Variants in POLR3C observed in about 807,000 individuals in gnomAD.
POLR3C encodes the protein DNA-directed RNA polymerase III subunit RPC3.
In POLR3C, 44 loss-of-function variants were observed where a neutral mutation model predicts 65.9. The ratio of observed to expected loss-of-function variants is 0.67; its 90% CI spans 0.52 to 0.86. The LOEUF (loss-of-function observed/expected upper bound fraction) is 0.86. Among genes scored for constraint, POLR3C ranks in the 40% least tolerant of loss-of-function variants. The pLI, the probability that POLR3C is intolerant of heterozygous loss-of-function variation, is 0.00. For synonymous variants in POLR3C, 263 were observed against 231.6 expected, an observed-to-expected ratio of 1.14 and a Z score of -1.23; for missense variants, 576 against 653.2, an observed-to-expected ratio of 0.88 and a Z score of 1.29.
chr1:145,833,775 A>G (rs1651548478), intron 7 of POLR3C, among the ~76,000 whole-genome samples, 193 bp downstream of exon 7: 1 of 152,224 alleles, frequency 6.6e-6, no homozygotes, highest in Admixed American at 6.5e-5. Context: ...TTAAAAATCT[A>G]CACTATTCAC....
At chr1:145,828,883 G>A (rs781900238) in intron 5 of POLR3C, 46 bp downstream of exon 5, 2 of 1,003,176 alleles carry the variant, frequency 2.0e-6, no homozygotes, top group Non-Finnish European at 1.6e-6. Flanking sequence ...AAGCAGGCCA[G>A]AAAGAGCACT....
chr1:145,827,731 C>G (rs1166490023), intron 4 of POLR3C, among the ~76,000 whole-genome samples: 1 of 148,582 alleles, frequency 6.7e-6, no homozygotes, highest in Non-Finnish European at 1.5e-5. Flanking sequence ...TGCACTCCAG[C>G]CTGGGCAACA....
chr1:145,832,200 G>C lies in POLR3C; in HGVS notation c.679-1060G>C, dbSNP rs150601557. 2.0e-5 allele frequency among the ~76,000 whole-genome samples: 3 copies of C among 152,314 alleles called. No individual in the cohort carries two copies. The East Asian group carries it at 5.8e-4, about 29-fold the overall frequency. The stretch of plus-strand genomic sequence containing the variant: ...ACATAGAATCCTTAAGGACAGTTGT[G>C]GAATTTCACTGGAATGCGAGTGACA... On this transcript the variant is annotated intron_variant, in intron 5 of 14. Coordinates refer to ENST00000334163, the MANE Select transcript of POLR3C (RefSeq NM_006468.8).
In POLR3C at chr1:145,842,482, C is replaced by T; in HGVS notation, c.*62C>T. 9.3e-7 allele frequency: 1 copy of T among 1,079,618 alleles called. No homozygotes were observed. Among genetic ancestry groups the T allele is most frequent in the Non-Finnish European group, 1.4e-6 (1 of 696,000 alleles). 66.9% of individuals were successfully genotyped at this position (1,079,618 alleles called of 1,614,324 possible). On this transcript the variant is annotated 3_prime_UTR_variant, in exon 15 of 15. Coordinates refer to ENST00000334163, the MANE Select transcript of POLR3C (RefSeq NM_006468.8). ...ATGGAAAGCAAAATAAAGGAGGTGC[C>T]TGGATGCATTATTTGCAGTGGGATA...
chr1:145,835,035 A>G (rs898996635), intron 7 of POLR3C, among the ~76,000 whole-genome samples: 2 of 149,156 alleles, frequency 1.3e-5, no homozygotes, highest in Admixed American at 6.8e-5. Context: ...AGTCACAGCT[A>G]TTCGAGAGGC....
In POLR3C at chr1:145,826,875, C is replaced by G; in HGVS notation, c.459C>G (p.Asp153Glu). 5.6e-6 allele frequency: 9 copies of G among 1,612,908 alleles called. No homozygotes were observed. Among genetic ancestry groups the G allele is most frequent in the Non-Finnish European group, 7.6e-6 (9 of 1,179,536 alleles). ...EVSNTFVRLA[D>E]THFVQRCPSV... ...CAAACACATTTGTGCGACTGGCAGA[C>G]ACACACTTTGTACAACGCTGCCCTT... The change falls in exon 4 of 15, where the codon GAC (aspartate) becomes GAG (glutamate). Residue 153 changes from aspartate to glutamate, a missense_variant. Physicochemically the swap from Asp to Glu is conservative, Grantham distance 45. Transcript: ENST00000334163.
rs1553730007 is a variant in POLR3C, at chr1:145,840,010, T to C, written c.1323+19T>C. On this transcript the variant is annotated intron_variant, in intron 12 of 14. Transcript: ENST00000334163. ...CTACAAGGTAACTCAATCTGGACCT[T>C]CTCCCCATTTCCTCCATACGGTCAA... 10 of 1,549,776 alleles carry C rather than the reference T, an allele frequency of 6.5e-6. No individual in the cohort carries two copies. The highest frequency in any genetic ancestry group is 5.4e-6 in the Non-Finnish European group (6 of 1,121,484).
In POLR3C at chr1:145,826,932, G is replaced by A; in HGVS notation, c.516G>A (p.Gly172=). The change falls in exon 4 of 15, where the codon GGG becomes GGA. Residue 172 remains glycine (G), a synonymous_variant. Transcript: ENST00000334163. The part of the protein sequence containing the change: ...SVPTTENSDP[G]PPPPAPTLVI... ...CTACCACTGAGAATTCAGACCCTGG[G>A]CCACCACCACCTGCCCCCACACTTG... 4 of 1,613,350 alleles carry A rather than the reference G, an allele frequency of 2.5e-6. No individual in the cohort carries two copies. Among genetic ancestry groups the A allele is most frequent in the Non-Finnish European group, 3.4e-6 (4 of 1,179,798 alleles).
At chr1:145,842,178 G>A (rs1209367294) in intron 14 of POLR3C, among the ~76,000 whole-genome samples, 161 bp from the exon 15 acceptor site, 1 of 152,154 alleles carries the variant, frequency 6.6e-6, no homozygotes, top group African/African-American at 2.4e-5. Flanking sequence ...ACATAAAGAT[G>A]CTCGGTAAAT....
At chr1:145,827,930 GAAAAA>G (rs199510413) in intron 4 of POLR3C, among the ~76,000 whole-genome samples, 1 of 147,520 alleles carries the variant, frequency 6.8e-6, no homozygotes, top group Non-Finnish European at 1.5e-5. Flanking sequence ...TCTGTCTCGG[GAAAAA>G]AAAAAGAAAA....
In POLR3C at chr1:145,833,511, A is replaced by C; in HGVS notation, c.805A>C (p.Thr269Pro). The change falls in exon 7 of 15, where the codon ACC becomes CCC. Residue 269 changes from threonine to proline, a missense_variant. Transcript: ENST00000334163. Reference sequence around the variant, plus strand: ...ACAGACAAGCAGCGAGATTGTGCGAACCATGCTCCGAATGAGTGAGATTAC... The same window carrying C: ...ACAGACAAGCAGCGAGATTGTGCGACCCATGCTCCGAATGAGTGAGATTAC... ...MDQTSSEIVRTMLRMSEITTS... is the reference protein window; with the variant it reads ...MDQTSSEIVRPMLRMSEITTS... 6.2e-7 allele frequency: 1 copy of C among 1,613,700 alleles called. No individual in the cohort carries two copies. The highest frequency in any genetic ancestry group is 8.5e-7 in the Non-Finnish European group (1 of 1,179,564).
At chr1:145,839,656 C>T (rs781814370) in intron 11 of POLR3C, 22 of 415,606 alleles carry the variant, frequency 5.3e-5, no homozygotes, top group Non-Finnish European at 7.7e-5. Flanking sequence ...TTGCTTGAGC[C>T]GGAGGTGGAA....
chr1:145,840,445 C>A, intron 13 of POLR3C: 1 of 379,548 alleles, frequency 2.6e-6, no homozygotes, highest in Non-Finnish European at 4.9e-6. Flanking sequence ...GAGGCTAAGG[C>A]AGGAGAATCA....
rs1553730771 is a variant in POLR3C at position 145,842,346 on chromosome 1, G to A, written c.1531G>A (p.Ala511Thr). ...CCTTTACTTTTCACTCAGGTTGGAT[G>A]CCAGTGAGATCCAGGTGGACGAAAC... ...TLKRNVNKLD[A>T]SEIQVDETIF... The change falls in exon 15 of 15, where the codon GCC becomes ACC. Residue 511 changes from alanine (A) to threonine (T), a missense_variant. Physicochemically the swap from Ala to Thr is moderately conservative, Grantham distance 58 (BLOSUM62 0). Coordinates refer to ENST00000334163, the MANE Select transcript of POLR3C (RefSeq NM_006468.8). 6.2e-7 allele frequency: 1 copy of A among 1,603,390 alleles called. No homozygotes were observed. The highest frequency in any genetic ancestry group is 8.5e-7 in the Non-Finnish European group (1 of 1,171,470).
At chr1:145,826,731 G>T in intron 3 of POLR3C, 22 bp downstream of exon 3, 1 of 1,613,570 alleles carries the variant, frequency 6.2e-7, no homozygotes, top group Non-Finnish European at 8.5e-7. Context: ...ATCCATAGCT[G>T]TTAACAAAAG....
chr1:145,842,279 C>T, intron 14 of POLR3C, 60 bp from the exon 15 acceptor site: 1 of 1,062,632 alleles, frequency 9.4e-7, no homozygotes, highest in East Asian at 2.4e-5. Context: ...ACCCTAACCT[C>T]TAATCTTAAA....
At chr1:145,834,931 G>A (rs1447337850) in intron 7 of POLR3C, among the ~76,000 whole-genome samples, 1 of 151,868 alleles carries the variant, frequency 6.6e-6, no homozygotes, top group African/African-American at 2.4e-5. Context: ...CTTGAGGCCA[G>A]GAGTTGAAGA....
Position 145,840,951 on chromosome 1 carries a change from A to T in POLR3C, c.1403A>T (p.Glu468Val), listed in dbSNP as rs1397148893. Residue 468 changes from glutamate (E) to valine (V), a missense_variant, in exon 14 of 15, where the codon GAA becomes GTA. Glu to Val is a moderately radical substitution (Grantham distance 121). Coordinates refer to ENST00000334163, the MANE Select transcript of POLR3C (RefSeq NM_006468.8). The part of the protein sequence containing the change: ...KRLLEKSQRV[E>V]AIIASMQATG... ...CTACTAGAAAAATCTCAGAGGGTAGAAGCCATCATTGCATCTATGCAGGCT... is the reference window on the plus strand; with the variant it reads ...CTACTAGAAAAATCTCAGAGGGTAGTAGCCATCATTGCATCTATGCAGGCT... 2.5e-6 allele frequency: 4 copies of T among 1,612,812 alleles called. No individual in the cohort carries two copies. Among genetic ancestry groups the T allele is most frequent in the Non-Finnish European group, 3.4e-6 (4 of 1,178,904 alleles).
chr1:145,838,543 C>T (rs1308148846), intron 11 of POLR3C, among the ~76,000 whole-genome samples: 1 of 151,974 alleles, frequency 6.6e-6, no homozygotes, highest in African/African-American at 2.4e-5. Flanking sequence ...ATTAGCTGGG[C>T]CTGGTGGCAC....
Sources: gnomAD v4.1 joint callset for allele counts (sites outside exome capture counted in the v4.1 genomes callset) on GRCh38, gnomAD v4.1.1 for gene constraint, MANE v1.5 for transcripts, NCBI Gene and HGNC (gene_info 2026-07-23, HGNC 2026-07-21) for gene names.